The following ROBO2 variants were observed in gnomAD, a reference collection of about 807,000 sequenced individuals.
ROBO2 encodes roundabout guidance receptor 2, also known as roundabout homolog 2.
ROBO2 carries 53 observed loss-of-function variants against 160.8 expected under a neutral mutation model. That is an observed-to-expected ratio of 0.33 (90% CI 0.26 to 0.41). ROBO2 has a LOEUF of 0.41. Ranked by LOEUF, ROBO2 falls within the 10% of genes least tolerant of loss-of-function variation. The pLI is 1.00. For synonymous variants in ROBO2, 664 were observed against 611.7 expected, an observed-to-expected ratio of 1.09 and a Z score of -1.26; for missense variants, 1,577 against 1,722.4, an observed-to-expected ratio of 0.92 and a Z score of 1.49.
chr3:76,066,463 G>A (rs901244463), intron 2 of ROBO2, among the ~76,000 whole-genome samples: 2 of 151,760 alleles, frequency 1.3e-5, no homozygotes, highest in African/African-American at 2.4e-5. Context: ...TTTTTATAAT[G>A]AACCATTTTC....
intron 2 of ROBO2, among the ~76,000 whole-genome samples, chr3:77,171,070 T>C (rs1466788415): frequency 6.6e-6 from 1 of 152,170 alleles, no homozygotes; most frequent in Non-Finnish European, 1.5e-5. Flanking sequence ...TGTTGTTTAC[T>C]GGGAAGGACA....
intron 2 of ROBO2, among the ~76,000 whole-genome samples, chr3:76,101,130 G>A (rs1163913530): frequency 3.9e-5 from 6 of 152,216 alleles, no homozygotes; most frequent in Admixed American, 3.3e-4. Flanking sequence ...CCAGAAAGCC[G>A]GTAATCGTCA....
At chr3:77,386,934 T>C (rs953492828) in intron 2 of ROBO2, among the ~76,000 whole-genome samples, 2 of 151,872 alleles carry the variant, frequency 1.3e-5, no homozygotes, top group African/African-American at 4.8e-5. Context: ...TTCTGCTTGA[T>C]CAAACAGGAA....
intron 2 of ROBO2, among the ~76,000 whole-genome samples, chr3:76,860,736 T>A (rs558117818): frequency 6.6e-6 from 1 of 152,006 alleles, no homozygotes; most frequent in South Asian, 2.1e-4. Flanking sequence ...CTATATATAA[T>A]CATACTTAAG....
At chr3:77,605,134 A>T (rs1265489392) in intron 20 of ROBO2, among the ~76,000 whole-genome samples, 1 of 150,174 alleles carries the variant, frequency 6.7e-6, no homozygotes, top group African/African-American at 2.4e-5. Flanking sequence ...ACTGCACTCC[A>T]GCCTGGGTGA....
At chr3:77,014,563 G>A (rs1410986447) in intron 2 of ROBO2, among the ~76,000 whole-genome samples, 1 of 152,166 alleles carries the variant, frequency 6.6e-6, no homozygotes, top group African/African-American at 2.4e-5. Flanking sequence ...TCATCGGGTT[G>A]GAAGTCCTCC....
chr3:76,623,175 T>G (rs79346595), intron 2 of ROBO2, among the ~76,000 whole-genome samples: 1 of 152,214 alleles, frequency 6.6e-6, no homozygotes, highest in Non-Finnish European at 1.5e-5. Flanking sequence ...AGTATGTACA[T>G]TGACTAGAGC....
chr3:76,563,300 A>C lies in ROBO2; in HGVS notation c.110-534714A>C, dbSNP rs561897578. On this transcript the variant is annotated intron_variant, in intron 2 of 26. Coordinates refer to the ROBO2 transcript ENST00000487694. ...GTAATCTGTTTTAATAGAGCCGATT[A>C]ATATATTAATGGATTGTGTGAAGGC... Among the ~76,000 whole-genome samples the C allele has an allele frequency of 9.2e-5, 14 of 152,292 alleles. 1 individual carries two copies. The highest frequency in any genetic ancestry group is 3.4e-3 in the Middle Eastern group (1 of 294).
At chr3:77,098,161 G>C in exon 2 of ROBO2, 1 of 1,614,186 alleles carries the variant, frequency 6.2e-7, no homozygotes, top group Non-Finnish European at 8.5e-7. Flanking sequence ...GATGGGGAGC[G>C]AGTGGAGACT....
intron 2 of ROBO2, among the ~76,000 whole-genome samples, chr3:76,316,015 T>C (rs2071991098): frequency 2.0e-5 from 3 of 152,138 alleles, no homozygotes; most frequent in African/African-American, 7.2e-5. Flanking sequence ...CAAGTTTTTA[T>C]TAGGGATTTT....
chr3:77,589,709 G>C (rs1379790316), intron 17 of ROBO2, among the ~76,000 whole-genome samples: 1 of 152,016 alleles, frequency 6.6e-6, no homozygotes, highest in Non-Finnish European at 1.5e-5. Flanking sequence ...AAATTGTAAA[G>C]TCAGTGATTG....
At chr3:77,485,610 A>T (rs887344889) in intron 4 of ROBO2, among the ~76,000 whole-genome samples, 1 of 152,064 alleles carries the variant, frequency 6.6e-6, no homozygotes, top group Non-Finnish European at 1.5e-5. Flanking sequence ...TAATTTTTTT[A>T]AATTTTTCTT....
intron 2 of ROBO2, among the ~76,000 whole-genome samples, chr3:76,437,607 G>T (rs2076743702): frequency 1.3e-5 from 2 of 152,052 alleles, no homozygotes; most frequent in African/African-American, 4.8e-5. Flanking sequence ...ACAAAAAAGG[G>T]ATGTTTGAAA....
intron 2 of ROBO2, among the ~76,000 whole-genome samples, chr3:77,120,261 C>G (rs547704716): frequency 6.6e-6 from 1 of 152,104 alleles, no homozygotes; most frequent in Admixed American, 6.5e-5. Context: ...AGAGATATGG[C>G]AAAGAACTAA....
exon 2 of ROBO2, chr3:77,098,237 C>T (rs757943328): frequency 1.9e-6 from 3 of 1,614,042 alleles, no homozygotes; most frequent in East Asian, 4.5e-5. Context: ...TCTTGCGCAT[C>T]GTGCACGGGC....
At chr3:77,307,583 T>C (rs35750090) in intron 2 of ROBO2, among the ~76,000 whole-genome samples, 54,277 of 152,018 alleles carry the variant, frequency 0.36, 10,017 homozygotes, top group Middle Eastern at 0.49. Flanking sequence ...TCAGGCTTTT[T>C]GAAAAAGCAG....
intron 2 of ROBO2, among the ~76,000 whole-genome samples, chr3:77,209,486 C>G (rs17820980): frequency 1.3e-5 from 2 of 152,004 alleles, no homozygotes; most frequent in East Asian, 3.9e-4. Context: ...TAGGCACACA[C>G]TCCACTTTAT....
chr3:77,314,899 G>T (rs1425887264), intron 2 of ROBO2, among the ~76,000 whole-genome samples: 1 of 152,054 alleles, frequency 6.6e-6, no homozygotes, highest in Non-Finnish European at 1.5e-5. Context: ...CCTTCTTTTT[G>T]CTTAAATTTC....
intron 2 of ROBO2, among the ~76,000 whole-genome samples, chr3:77,140,159 TAAC>T (rs1230181922): frequency 6.6e-6 from 1 of 152,238 alleles, no homozygotes; most frequent in African/African-American, 2.4e-5. Flanking sequence ...ATGCTTCTGT[TAAC>T]AACATGACCT....
Sources: allele counts gnomAD v4.1 joint callset (sites outside exome capture counted in the v4.1 genomes callset), GRCh38; gene constraint gnomAD v4.1.1; transcripts MANE v1.5; gene names NCBI Gene and HGNC (gene_info 2026-07-23, HGNC 2026-07-21).